PSG11: variants seen among roughly 807,000 people sequenced by gnomAD.
The protein encoded by PSG11 is pregnancy specific beta-1-glycoprotein 11, also known as pregnancy-specific beta-1-glycoprotein 11.
PSG11 carries 42 observed loss-of-function variants against 36.0 expected under a neutral mutation model. The observed-to-expected ratio is 1.17, with a 90% CI of 0.91 to 1.51. The LOEUF (loss-of-function observed/expected upper bound fraction) is 1.51. Ranked by LOEUF, PSG11 falls within the 40% of genes most tolerant of loss-of-function variation. PSG11 has a pLI of 0.00. For synonymous variants in PSG11, 206 were observed against 153.5 expected, an observed-to-expected ratio of 1.34 and a Z score of -2.53; for missense variants, 558 against 403.5, an observed-to-expected ratio of 1.38 and a Z score of -3.28.
Position 43,026,412 on chromosome 19 carries a change from C to A in PSG11, c.-40G>T, listed in dbSNP as rs147377060. 3,728 of 1,603,304 alleles carry A rather than the reference C, an allele frequency of 2.3e-3. 95 individuals carry two copies. The highest frequency in any genetic ancestry group is 2.9e-3 in the Non-Finnish European group (3,440 of 1,173,816). ...GCATGTTCTCCTCTGTGGAGATGAGCCTAGGATCCAGAAGCTTCCAGAGCA... is the reference window on the plus strand; with the variant it reads ...GCATGTTCTCCTCTGTGGAGATGAGACTAGGATCCAGAAGCTTCCAGAGCA... On this transcript the variant is annotated 5_prime_UTR_variant, in exon 1 of 6. Coordinates refer to ENST00000320078, the MANE Select transcript of PSG11 (RefSeq NM_002785.3).
Position 43,009,964 on chromosome 19 carries a change from G to A in PSG11, c.*34C>T. ...AGAGAAAAGGTCATCATACCTGCCA[G>A]TCTTCCTGAAATACAAAAATGACAT... On this transcript the variant is annotated 3_prime_UTR_variant, in exon 5 of 6. Transcript: ENST00000320078. The A allele has an allele frequency of 6.3e-7, 1 of 1,589,308 alleles. No individual in the cohort carries two copies. The highest frequency in any genetic ancestry group is 8.6e-7 in the Non-Finnish European group (1 of 1,158,784).
chr19:43,008,064 G>A, intron 5 of PSG11, 22 bp from the exon 6 acceptor site: 1 of 364,836 alleles, frequency 2.7e-6, no homozygotes. Context: ...AGCAATTTTG[G>A]ACTGTAGCTG....
Position 43,022,309 on chromosome 19 carries a change from C to T in PSG11, c.430+2382G>A, listed in dbSNP as rs185131104. On this transcript the variant is annotated intron_variant, in intron 2 of 5. Transcript: ENST00000320078. ...TTCTCATTCTTTTGCATTCTGGCAA[C>T]CAGCTGACCTCATCCATACCTATGA... Among the ~76,000 whole-genome samples the T allele has an allele frequency of 3.4e-3, 515 of 151,468 alleles. 20 individuals are homozygous for T. Among genetic ancestry groups the T allele is most frequent in the Middle Eastern group, 6.8e-3 (2 of 294 alleles).
intron 3 of PSG11, chr19:43,017,463 A>G (rs1414609281): frequency 1.3e-5 from 2 of 151,256 alleles, no homozygotes; most frequent in African/African-American, 2.4e-5. Flanking sequence ...CATACTGGCC[A>G]TGCTGCACTC....
intron 3 of PSG11, chr19:43,015,681 C>T: frequency 6.4e-7 from 1 of 1,570,004 alleles, no homozygotes; most frequent in East Asian, 2.2e-5. Flanking sequence ...GGTGTCTGTA[C>T]TTGGACCGGA....
At chr19:43,014,173 G>T (rs1966898326) in intron 4 of PSG11, 1 of 289,550 alleles carries the variant, frequency 3.5e-6, no homozygotes, top group Non-Finnish European at 5.1e-6. Context: ...AGAGGAAAAA[G>T]TTCTGGAAAT....
At chr19:43,012,050 A>G (rs937705990) in intron 4 of PSG11, among the ~76,000 whole-genome samples, 12 of 151,496 alleles carry the variant, frequency 7.9e-5, no homozygotes, top group African/African-American at 2.7e-4. Context: ...AAAAATATGA[A>G]TAAAACTATA....
chr19:43,025,258 C>G, intron 1 of PSG11: 2 of 1,014,984 alleles, frequency 2.0e-6, no homozygotes, highest in Non-Finnish European at 1.4e-6. Context: ...TACTGTCCTA[C>G]TAGGTCAAGG....
At chr19:43,016,232 C>T (rs1441743749) in intron 3 of PSG11, among the ~76,000 whole-genome samples, 1 of 151,324 alleles carries the variant, frequency 6.6e-6, no homozygotes, top group East Asian at 1.9e-4. Context: ...AGGCCGCCTG[C>T]TTCATCTTAG....
In PSG11 at chr19:43,024,829, G is replaced by A. The variant is rs375803539; in HGVS notation, c.292C>T (p.Arg98Ter). Reference protein sequence around the residue: ...IIIYGPAYSGRETVYSNASLL... With the variant: ...IIIYGPAYSG The stretch of plus-strand genomic sequence containing the variant: ...GATGCATTGGAATATACTGTTTCTC[G>A]TCCACTGTATGCCGGTCCATATATA... Residue 98 changes from arginine (R) to a stop codon, truncating the protein, a stop_gained, in exon 2 of 6, where the codon CGA becomes TGA. Transcript: ENST00000320078. LOFTEE classifies it high-confidence loss of function. The A allele has an allele frequency of 5.1e-5, 83 of 1,611,770 alleles. 3 individuals carry two copies. The highest frequency in any genetic ancestry group is 3.0e-4 in the African/African-American group (22 of 74,272).
Position 43,018,334 on chromosome 19 carries a change from T to C in PSG11, c.709+436A>G, listed in dbSNP as rs1280039947. On this transcript the variant is annotated intron_variant, in intron 3 of 5. Coordinates refer to ENST00000320078, the MANE Select transcript of PSG11 (RefSeq NM_002785.3). ...GGGACTTCCCCTGTATGGTAATAGG[T>C]GTATGAGGAAGAAATGGTGAGGGCA... The C allele has an allele frequency of 1.9e-5, 6 of 309,126 alleles. No homozygotes were observed. The Admixed American group carries it at 2.0e-4, about 10-fold the overall frequency. The allele number at this position is 309,126 out of a possible 1,614,324, so 19.1% of individuals were successfully genotyped here.
chr19:43,019,816 G>A (rs1480571086), intron 2 of PSG11: 1 of 151,730 alleles, frequency 6.6e-6, no homozygotes, highest in Non-Finnish European at 1.5e-5. Context: ...GAGGGCAGGT[G>A]AGGACCATGT....
intron 1 of PSG11, among the ~76,000 whole-genome samples, chr19:43,025,992 C>T (rs117268538): frequency 0.042 from 5,192 of 122,246 alleles, 170 homozygotes; most frequent in Non-Finnish European, 0.056. Flanking sequence ...CCCAGCCTGG[C>T]GTGCAGTGGC....
chr19:43,012,070 A>G (rs554940652), intron 4 of PSG11, among the ~76,000 whole-genome samples: 53 of 151,526 alleles, frequency 3.5e-4, no homozygotes, highest in Non-Finnish European at 6.5e-4. Flanking sequence ...AATCAGTAAC[A>G]AGATTCAATC....
intron 1 of PSG11, among the ~76,000 whole-genome samples, chr19:43,025,944 T>C (rs1967242290): frequency 1.6e-5 from 2 of 127,842 alleles, no homozygotes; most frequent in Non-Finnish European, 1.7e-5. Context: ...CTCTTTTTTT[T>C]TTTTTTTTTT....
At chr19:43,025,831 C>G (rs1288159724) in intron 1 of PSG11, among the ~76,000 whole-genome samples, 2 of 149,768 alleles carry the variant, frequency 1.3e-5, no homozygotes, top group East Asian at 1.9e-4. Context: ...CTTACCAATT[C>G]CGGTTCAATG....
intron 3 of PSG11, among the ~76,000 whole-genome samples, chr19:43,018,115 C>T (rs1324078966): frequency 6.6e-6 from 1 of 151,226 alleles, no homozygotes; most frequent in African/African-American, 2.4e-5. Context: ...ATCCACTTAC[C>T]AGGGACTATG....
chr19:43,025,112 G>T (rs1230568478), intron 1 of PSG11, 56 bp from the exon 2 acceptor site: 2 of 1,566,834 alleles, frequency 1.3e-6, no homozygotes, highest in African/African-American at 1.4e-5. Context: ...GGGGTGAAAA[G>T]ATGGGGCCCT....
intron 5 of PSG11, among the ~76,000 whole-genome samples, chr19:43,009,337 T>C (rs1974013699): frequency 6.6e-6 from 1 of 151,354 alleles, no homozygotes; most frequent in Non-Finnish European, 1.5e-5. Flanking sequence ...TTCACTCTGT[T>C]TTTAGACATA....
Sources: gnomAD v4.1 joint callset for allele counts (sites outside exome capture counted in the v4.1 genomes callset) on GRCh38, gnomAD v4.1.1 for gene constraint, MANE v1.5 for transcripts, NCBI Gene and HGNC (gene_info 2026-07-23, HGNC 2026-07-21) for gene names.